Variants in ZNF675 observed in about 807,000 individuals in gnomAD.
The protein encoded by ZNF675 is zinc finger protein 675.
A neutral mutation model predicts 56.1 loss-of-function variants in ZNF675; 36 were observed. The ratio of observed to expected loss-of-function variants is 0.64; its 90% CI spans 0.49 to 0.85. The LOEUF is 0.85. ZNF675 is among the 40% of genes least tolerant of loss of function. ZNF675 has a pLI of 0.00. For missense variants in ZNF675, 663 were observed against 654.2 expected (o/e 1.01, Z -0.15); for synonymous variants, 200 against 218.9 (o/e 0.91, Z 0.76).
At chr19:23,670,181 TA>T (rs1409815963) in intron 1 of ZNF675, among the ~76,000 whole-genome samples, 8 of 152,302 alleles carry the variant, frequency 5.3e-5, no homozygotes, top group African/African-American at 1.9e-4. Flanking sequence ...CCTGCTTGGC[TA>T]TATCTTCCAC....
At chr19:23,654,875 A>AG in intron 3 of ZNF675, 169 bp from the exon 4 acceptor site, 1 of 486,136 alleles carries the variant, frequency 2.1e-6, no homozygotes, top group Non-Finnish European at 3.5e-6. Context: ...ATAGAAAAAA[A>AG]AAAAAAATTC....
intron 3 of ZNF675, among the ~76,000 whole-genome samples, chr19:23,658,862 A>AT (rs1364352504): frequency 0.031 from 488 of 15,554 alleles, 3 homozygotes; most frequent in African/African-American, 0.078. Flanking sequence ...TAGATATAGA[A>AT]ATAGATCTAT....
At chr19:23,675,994 A>C (rs1968289773) in intron 1 of ZNF675, among the ~76,000 whole-genome samples, 1 of 151,512 alleles carries the variant, frequency 6.6e-6, no homozygotes, top group Non-Finnish European at 1.5e-5. Context: ...AAAAAAAAAA[A>C]AACACAATTA....
rs1236678859 is a variant in ZNF675, at chr19:23,687,157, GCTCC to G, written c.-128_-125del. On this transcript the variant is annotated 5_prime_UTR_variant, in exon 1 of 4. It removes the in-frame stop codon of an upstream open reading frame in the 5' UTR. Coordinates refer to ENST00000359788, the MANE Select transcript of ZNF675 (RefSeq NM_138330.3). Reference sequence around the variant, plus strand: ...CAGAGCAATGAAAGCGAGACCTGGAGCTCCGGCTGCAGCGAGAGACAAAGGCGCC... The same window carrying G: ...CAGAGCAATGAAAGCGAGACCTGGAGGGCTGCAGCGAGAGACAAAGGCGCC... 5 of 1,201,856 alleles carry G rather than the reference GCTCC, an allele frequency of 4.2e-6. No individual in the cohort carries two copies. Among genetic ancestry groups the G allele is most frequent in the Non-Finnish European group, 6.1e-6 (5 of 824,556 alleles). 74.4% of individuals were successfully genotyped at this position (1,201,856 alleles called of 1,614,324 possible).
intron 1 of ZNF675, among the ~76,000 whole-genome samples, chr19:23,685,210 C>A (rs975773336): frequency 6.6e-6 from 1 of 152,002 alleles, no homozygotes; most frequent in Non-Finnish European, 1.5e-5. Flanking sequence ...GGTGATCCAC[C>A]GCCTCAGACT....
chr19:23,680,951 C>G (rs1259238672), intron 1 of ZNF675, among the ~76,000 whole-genome samples: 1 of 151,620 alleles, frequency 6.6e-6, no homozygotes, highest in African/African-American at 2.4e-5. Context: ...CTTCATGACA[C>G]AATTTTACCT....
At chr19:23,663,347 T>C (rs2144929756) in intron 1 of ZNF675, among the ~76,000 whole-genome samples, 189 bp from the exon 2 acceptor site, 1 of 152,244 alleles carries the variant, frequency 6.6e-6, no homozygotes, top group South Asian at 2.1e-4. Flanking sequence ...GAAAACAGAG[T>C]GGCACAAGAG....
intron 2 of ZNF675, among the ~76,000 whole-genome samples, chr19:23,662,659 G>T (rs567878307): frequency 2.0e-5 from 3 of 152,286 alleles, no homozygotes; most frequent in African/African-American, 7.2e-5. Flanking sequence ...ACAAAGAAGA[G>T]AAATGAAACC....
chr19:23,676,845 T>A (rs992801546), intron 1 of ZNF675, among the ~76,000 whole-genome samples: 5 of 149,222 alleles, frequency 3.4e-5, no homozygotes, highest in Non-Finnish European at 7.4e-5. Flanking sequence ...GAGGCCGAGG[T>A]GGGTGGATCA....
At chr19:23,673,847 T>C (rs923688514) in intron 1 of ZNF675, among the ~76,000 whole-genome samples, 3 of 151,794 alleles carry the variant, frequency 2.0e-5, no homozygotes, top group Non-Finnish European at 2.9e-5. Flanking sequence ...ATTTAAAAAA[T>C]AATAATAATA....
At position 23,653,468 on chromosome 19, in the gene ZNF675, A is replaced by C. The variant is rs778440683; in HGVS notation, c.1465T>G (p.Phe489Val). The change falls in exon 4 of 4, where the codon TTT becomes GTT. Residue 489 changes from phenylalanine (F) to valine (V), a missense_variant. This residue lies in a region of ZNF675 where 617 missense variants were observed against 590.5 expected (regional missense o/e 1.04). Coordinates refer to ENST00000359788, the MANE Select transcript of ZNF675 (RefSeq NM_138330.3). ...PYKCEECGKAFKHSSSLTTHK... is the reference protein window; with the variant it reads ...PYKCEECGKAVKHSSSLTTHK... Reference sequence around the variant, plus strand: ...GTAGTAAGGGATGAGGAGTGTTTAAAAGCTTTGCCACATTCTTCACACTTG... The same window carrying C: ...GTAGTAAGGGATGAGGAGTGTTTAACAGCTTTGCCACATTCTTCACACTTG... 5 of 1,612,792 alleles carry C rather than the reference A, an allele frequency of 3.1e-6. No individual in the cohort carries two copies. In the South Asian group the frequency reaches 5.5e-5, roughly 18 times the overall value.
chr19:23,654,858 G>T (rs1000691458), intron 3 of ZNF675, 152 bp from the exon 4 acceptor site: 2 of 401,828 alleles, frequency 5.0e-6, no homozygotes, highest in Non-Finnish European at 3.9e-6. Flanking sequence ...ACAATGCAAA[G>T]AGCCACATAG....
In ZNF675 at chr19:23,653,749, G is replaced by C. The variant is rs1280917410; in HGVS notation, c.1184C>G (p.Pro395Arg). ...EHRKIHTEEK[P>R]YKCKECGKAF... ...TTTGCCACATTCTTTACATTTGTAGGGTTTCTCTTCGGTATGAATTTTCCT... is the reference window on the plus strand; with the variant it reads ...TTTGCCACATTCTTTACATTTGTAGCGTTTCTCTTCGGTATGAATTTTCCT... The change falls in exon 4 of 4, where the codon CCC (proline) becomes CGC (arginine). Residue 395 changes from proline to arginine, a missense_variant. This residue lies in a region of ZNF675 where 617 missense variants were observed against 590.5 expected (regional missense o/e 1.04). Coordinates refer to ENST00000359788, the MANE Select transcript of ZNF675 (RefSeq NM_138330.3). 6.2e-7 allele frequency: 1 copy of C among 1,613,744 alleles called. No individual in the cohort carries two copies. The highest frequency in any genetic ancestry group is 1.3e-5 in the African/African-American group (1 of 74,868).
At chr19:23,670,192 C>T (rs8105028) in intron 1 of ZNF675, among the ~76,000 whole-genome samples, 147,892 of 152,236 alleles carry the variant, frequency 0.97, 72,001 homozygotes, top group Middle Eastern at 1. Flanking sequence ...ATATCTTCCA[C>T]CATTAGAATC....
chr19:23,666,242 G>C (rs1367727919), intron 1 of ZNF675, among the ~76,000 whole-genome samples: 1 of 152,250 alleles, frequency 6.6e-6, no homozygotes, highest in Non-Finnish European at 1.5e-5. Flanking sequence ...CATTCAGACT[G>C]ATTGTGGGCT....
intron 3 of ZNF675, chr19:23,654,960 G>T (rs1273622205): frequency 1.7e-5 from 5 of 297,870 alleles, no homozygotes; most frequent in Non-Finnish European, 3.1e-5. Context: ...TTACAGCCAG[G>T]TGCAGTGACT....
chr19:23,680,857 TAGA>T (rs1436624767), intron 1 of ZNF675, among the ~76,000 whole-genome samples: 9 of 151,044 alleles, frequency 6.0e-5, no homozygotes, highest in Admixed American at 6.6e-5. Context: ...GGGTGGAGAG[TAGA>T]AGGACAAAGA....
intron 3 of ZNF675, among the ~76,000 whole-genome samples, chr19:23,658,098 A>T (rs2144921632): frequency 6.6e-6 from 1 of 152,308 alleles, no homozygotes; most frequent in East Asian, 1.9e-4. Context: ...GCAGTGGCTC[A>T]CGTCTGTAAT....
At chr19:23,664,417 T>A (rs1968122474) in intron 1 of ZNF675, among the ~76,000 whole-genome samples, 1 of 152,132 alleles carries the variant, frequency 6.6e-6, no homozygotes, top group Non-Finnish European at 1.5e-5. Flanking sequence ...CATGAGCTGC[T>A]CCACGGAGAT....
Sources: allele counts gnomAD v4.1 joint callset (sites outside exome capture counted in the v4.1 genomes callset), GRCh38; gene constraint gnomAD v4.1.1; regional missense constraint gnomAD v4.1.1; transcripts MANE v1.5; gene names NCBI Gene and HGNC (gene_info 2026-07-23, HGNC 2026-07-21).